The following TMPRSS9 variants were observed in gnomAD, a reference collection of about 807,000 sequenced individuals.
TMPRSS9 encodes transmembrane protease serine 9.
In TMPRSS9, 113 loss-of-function variants were observed where a neutral mutation model predicts 111.4. That is an observed-to-expected ratio of 1.01 (90% CI 0.87 to 1.19). TMPRSS9 has a LOEUF of 1.19. Among genes scored for constraint, TMPRSS9 ranks in the 50% most tolerant of loss-of-function variants. TMPRSS9 has a pLI of 0.00. For synonymous variants in TMPRSS9, 805 were observed against 659.1 expected (o/e 1.22, Z -3.39); for missense variants, 1,803 against 1,513.1 (o/e 1.19, Z -3.18).
intron 1 of TMPRSS9, among the ~76,000 whole-genome samples, chr19:2,369,133 T>C (rs1241339268): frequency 6.6e-6 from 1 of 151,990 alleles, no homozygotes; most frequent in Non-Finnish European, 1.5e-5. Flanking sequence ...GTATTTTTAG[T>C]ACAGATGGGG....
rs377138312 is a variant in TMPRSS9, at chr19:2,401,002, C to T, written c.515-973C>T. 3.7e-3 allele frequency among the ~76,000 whole-genome samples: 519 copies of T among 141,824 alleles called. 4 individuals carry two copies. The highest frequency in any genetic ancestry group is 0.013 in the African/African-American group (480 of 37,922). 93.0% of individuals were successfully genotyped at this position (141,824 alleles called of 152,430 possible). A position where few individuals can be genotyped will look rare whatever the true frequency, so the allele number is the denominator to read the frequency against. On this transcript the variant is annotated intron_variant, in intron 4 of 17. Transcript: ENST00000648592. ...AAAAAAAAAAAAAAATGGCCGGGCG[C>T]GGTGGCTTACGCCTGTAATCCCAGC... is the stretch of plus-strand genomic sequence containing the variant.
chr19:2,385,736 A>G (rs192267505), upstream of TMPRSS9, among the ~76,000 whole-genome samples: 1 of 152,102 alleles, frequency 6.6e-6, no homozygotes, highest in African/African-American at 2.4e-5. Flanking sequence ...CTGTAGTCCT[A>G]TCTACTCTGG....
chr19:2,423,947 C>A, intron 14 of TMPRSS9, 142 bp from the exon 16 acceptor site: 1 of 877,526 alleles, frequency 1.1e-6, no homozygotes, highest in Non-Finnish European at 1.5e-6. Context: ...TCCTTTCCTG[C>A]TGAGTTTTCC....
chr19:2,374,248 C>CTTT lies in TMPRSS9; in HGVS notation c.-26+13923_-26+13925dup, dbSNP rs1027376774. ...TTTCATGCTGATTTCTCTCAACAATCTTTTTTTTTTTTTTTTTTTTTTTTT... is the reference window on the plus strand; with the variant it reads ...TTTCATGCTGATTTCTCTCAACAATCTTTTTTTTTTTTTTTTTTTTTTTTTTTT... On this transcript the variant is annotated intron_variant, in intron 1 of 17. Coordinates refer to the TMPRSS9 transcript ENST00000649857. Among the ~76,000 whole-genome samples, 80 of 70,430 alleles carry CTTT rather than the reference C, an allele frequency of 1.1e-3. 18 individuals carry two copies. The highest frequency in any genetic ancestry group is 1.7e-3 in the Admixed American group (8 of 4,654). The allele number at this position is 70,430 out of a possible 152,430, so 46.2% of individuals were successfully genotyped here. A position where few individuals can be genotyped will look rare whatever the true frequency, so the allele number is the denominator to read the frequency against.
At chr19:2,374,189 C>T (rs1044965376) in intron 1 of TMPRSS9, among the ~76,000 whole-genome samples, 4 of 143,206 alleles carry the variant, frequency 2.8e-5, no homozygotes, top group Non-Finnish European at 4.5e-5. Context: ...TTCACGGTGA[C>T]AAGGAGAGGC....
exon 12 of TMPRSS9, chr19:2,416,759 T>G: frequency 6.2e-7 from 1 of 1,612,750 alleles, no homozygotes. Flanking sequence ...AAGTTCCCTG[T>G]GGGCCGGAAG....
At chr19:2,413,006 C>T (rs1378217210) in intron 9 of TMPRSS9, among the ~76,000 whole-genome samples, 1 of 151,966 alleles carries the variant, frequency 6.6e-6, no homozygotes, top group Non-Finnish European at 1.5e-5. Flanking sequence ...CCAGCCTGGC[C>T]AACATGGTGA....
chr19:2,415,888 C>A, intron 11 of TMPRSS9, 47 bp downstream of exon 12: 2 of 1,523,924 alleles, frequency 1.3e-6, no homozygotes, highest in Admixed American at 3.8e-5. Flanking sequence ...CCCCTCCTCA[C>A]CAGCCCCTCC....
chr19:2,404,556 C>T (rs1970929104), intron 6 of TMPRSS9, among the ~76,000 whole-genome samples: 1 of 149,396 alleles, frequency 6.7e-6, no homozygotes, highest in South Asian at 2.1e-4. Context: ...AAAAAAAAAG[C>T]TGTCATTTTG....
intron 7 of TMPRSS9, among the ~76,000 whole-genome samples, chr19:2,405,850 C>A (rs534262063): frequency 3.3e-5 from 5 of 149,442 alleles, no homozygotes; most frequent in African/African-American, 4.9e-5. Flanking sequence ...GGACTACAGG[C>A]GCCCGCCACC....
chr19:2,396,636 C>G (rs750424588), exon 2 of TMPRSS9: 3 of 1,606,786 alleles, frequency 1.9e-6, no homozygotes, highest in East Asian at 2.2e-5. Context: ...CGGACTATCA[C>G]CGCACGCTGA....
intron 12 of TMPRSS9, among the ~76,000 whole-genome samples, chr19:2,417,222 T>C (rs1250473173): frequency 6.6e-6 from 1 of 152,170 alleles, no homozygotes; most frequent in Admixed American, 6.6e-5. Context: ...TCCCAGCACT[T>C]TGGGAGGCCC....
At chr19:2,397,712 A>C (rs1466678040) in intron 2 of TMPRSS9, among the ~76,000 whole-genome samples, 1 of 151,780 alleles carries the variant, frequency 6.6e-6, no homozygotes, top group Non-Finnish European at 1.5e-5. Context: ...TGAGGTCAGG[A>C]GTTTTGAGAC....
chr19:2,387,826 A>AGT (rs376099973), upstream of TMPRSS9, among the ~76,000 whole-genome samples: 107 of 152,162 alleles, frequency 7.0e-4, 2 homozygotes, highest in African/African-American at 2.5e-3. Flanking sequence ...GAGGGATTTT[A>AGT]GTGTGTGTGT....
chr19:2,390,370 A>C (rs542453918), intron 1 of TMPRSS9, among the ~76,000 whole-genome samples: 18 of 148,476 alleles, frequency 1.2e-4, no homozygotes, highest in Admixed American at 5.4e-4. Context: ...AGCCTCCCCG[A>C]GTAGCTGGGA....
At chr19:2,424,340 C>A in intron 15 of TMPRSS9, 83 bp downstream of exon 16, 1 of 1,254,964 alleles carries the variant, frequency 8.0e-7, no homozygotes, top group Non-Finnish European at 1.0e-6. Context: ...CGCACCCTGA[C>A]CCCCTCCTTT....
At chr19:2,390,347 G>A (rs1056437150) in intron 1 of TMPRSS9, among the ~76,000 whole-genome samples, 26 of 137,664 alleles carry the variant, frequency 1.9e-4, no homozygotes, top group South Asian at 4.7e-4. Context: ...GGTTCACACC[G>A]TTCTCCTGTG....
At chr19:2,399,219 C>G in intron 4 of TMPRSS9, 26 bp downstream of exon 5, 27 of 1,554,252 alleles carry the variant, frequency 1.7e-5, no homozygotes, top group Non-Finnish European at 2.3e-5. Context: ...AGACCGAAAC[C>G]CCATCACGAG....
rs1213003492 is a variant in TMPRSS9 at position 2,381,245 on chromosome 19, C to T, written c.-25-8516C>T. Among the ~76,000 whole-genome samples, 5 of 152,030 alleles carry T rather than the reference C, an allele frequency of 3.3e-5. No individual in the cohort carries two copies. The East Asian group carries it at 9.6e-4, about 29-fold the overall frequency. On this transcript the variant is annotated intron_variant, in intron 1 of 17. Coordinates refer to the TMPRSS9 transcript ENST00000649857. The stretch of plus-strand genomic sequence containing the variant: ...ATGCTAAATAGCTGTGGAGTTCTTT[C>T]TGTGAACCAATAATGGTGATGACAA...
Sources: allele counts gnomAD v4.1 joint callset (sites outside exome capture counted in the v4.1 genomes callset), GRCh38; gene constraint gnomAD v4.1.1; transcripts MANE v1.5; gene names NCBI Gene and HGNC (gene_info 2026-07-23, HGNC 2026-07-21).